The following EXOC1 variants were observed in gnomAD, a reference collection of about 807,000 sequenced individuals.
The protein encoded by EXOC1 is exocyst complex component 1.
EXOC1 carries 67 observed loss-of-function variants against 107.7 expected under a neutral mutation model. That is an observed-to-expected ratio of 0.62 (90% CI 0.51 to 0.76). EXOC1 has a LOEUF of 0.76. Ranked by LOEUF, EXOC1 falls within the 30% of genes least tolerant of loss-of-function variation. The pLI, the probability that EXOC1 is intolerant of heterozygous loss-of-function variation, is 0.00. For synonymous variants in EXOC1, 348 were observed against 353.5 expected (o/e 0.98, Z 0.17); for missense variants, 833 against 1,055.7 (o/e 0.79, Z 2.92).
intron 8 of EXOC1, chr4:55,876,496 C>G (rs1722906607): frequency 6.5e-6 from 5 of 772,416 alleles, no homozygotes; most frequent in Non-Finnish European, 7.9e-6. Flanking sequence ...GTTCAGGTCA[C>G]ATTTTACCAT....
intron 16 of EXOC1, among the ~76,000 whole-genome samples, chr4:55,897,160 T>G (rs1229401769): frequency 6.6e-6 from 1 of 150,712 alleles, no homozygotes; most frequent in Non-Finnish European, 1.5e-5. Flanking sequence ...TGGGCCTCAC[T>G]CTGTCGCCCA....
rs192699219 is a variant in EXOC1, at chr4:55,888,775, T to G, written c.1331-113T>G. 6.8e-6 allele frequency: 7 copies of G among 1,032,846 alleles called. No individual in the cohort carries two copies. In the East Asian group the frequency reaches 1.5e-4, roughly 22 times the overall value. The allele number at this position is 1,032,846 out of a possible 1,614,324, so 64.0% of individuals were successfully genotyped here. A position where few individuals can be genotyped will look rare whatever the true frequency, so the allele number is the denominator to read the frequency against. ...TCTTGTTACTTGATGCTCATGGTTCTTTGCATGTGTCTTTTAAACTAGAGC... is the reference window on the plus strand; with the variant it reads ...TCTTGTTACTTGATGCTCATGGTTCGTTGCATGTGTCTTTTAAACTAGAGC... On this transcript the variant is annotated intron_variant, in intron 10 of 18. Transcript: ENST00000381295.
intron 10 of EXOC1, among the ~76,000 whole-genome samples, chr4:55,886,589 A>C (rs536905522): frequency 3.3e-5 from 5 of 151,840 alleles, no homozygotes; most frequent in South Asian, 2.1e-4. Context: ...AAAAAAAAAA[A>C]CAAGAAATGT....
chr4:55,876,324 G>T (rs937244195), intron 8 of EXOC1: 1 of 983,810 alleles, frequency 1.0e-6, no homozygotes, highest in African/African-American at 1.7e-5. Flanking sequence ...TCTACGCTCC[G>T]TTATCCAGAA....
chr4:55,870,773 G>A lies in EXOC1; in HGVS notation c.699G>A (p.Leu233=). ...TAAAGGAGGTAGATCAGATTGAATT[G>A]AAACTGAGCAGTTATGAGGAAATGC... The part of the protein sequence containing the change: ...EALKEVDQIE[L]KLSSYEEMLQ... Residue 233 remains leucine, a synonymous_variant, in exon 6 of 19, where the codon TTG becomes TTA. Transcript: ENST00000381295. The A allele has an allele frequency of 6.2e-7, 1 of 1,613,840 alleles. No individual in the cohort carries two copies. Among genetic ancestry groups the A allele is most frequent in the Non-Finnish European group, 8.5e-7 (1 of 1,179,884 alleles).
chr4:55,885,245 G>A lies in EXOC1; in HGVS notation c.1330+1317G>A, dbSNP rs934264975. 4.6e-5 allele frequency among the ~76,000 whole-genome samples: 7 copies of A among 152,030 alleles called. No individual in the cohort carries two copies. In the East Asian group the frequency reaches 1.4e-3, roughly 29 times the overall value. On this transcript the variant is annotated intron_variant, in intron 10 of 18. Coordinates refer to ENST00000381295, the MANE Select transcript of EXOC1 (RefSeq NM_001024924.2). ...ACTCCTTCAGTATATGAAAACTGGA[G>A]GTAAGAGAGAAATATTTCTAAAATT...
At chr4:55,902,721 T>C (rs917972143) in intron 18 of EXOC1, among the ~76,000 whole-genome samples, 183 bp downstream of exon 18, 6 of 152,204 alleles carry the variant, frequency 3.9e-5, no homozygotes, top group African/African-American at 1.4e-4. Context: ...TGGCTATTTC[T>C]GCTTATTTCG....
intron 10 of EXOC1, among the ~76,000 whole-genome samples, 189 bp downstream of exon 10, chr4:55,884,117 A>G (rs1363068176): frequency 4.6e-5 from 7 of 152,222 alleles, no homozygotes; most frequent in African/African-American, 7.2e-5. Flanking sequence ...ATTTTCTTTA[A>G]TTAAAATTCT....
intron 14 of EXOC1, among the ~76,000 whole-genome samples, chr4:55,893,281 G>T (rs2109468180): frequency 6.6e-6 from 1 of 152,124 alleles, no homozygotes; most frequent in Non-Finnish European, 1.5e-5. Context: ...CACCACGTCT[G>T]GCTAATTTTT....
Position 55,871,145 on chromosome 4 carries a change from A to T in EXOC1, c.876A>T (p.Glu292Asp). ...LAKGHIKALQ[E>D]GDLASSRGIE... ...AAGGTCATATAAAGGCCCTTCAGGA[A>T]GGAGATCTTGCTTCTTCCAGAGGCA... The change falls in exon 7 of 19, where the codon GAA becomes GAT. Residue 292 changes from glutamate (E) to aspartate (D), a missense_variant. Coordinates refer to ENST00000381295, the MANE Select transcript of EXOC1 (RefSeq NM_001024924.2). 1 of 1,613,764 alleles carries T rather than the reference A, an allele frequency of 6.2e-7. No individual in the cohort carries two copies. The highest frequency in any genetic ancestry group is 8.5e-7 in the Non-Finnish European group (1 of 1,179,738).
At chr4:55,903,181 AAGAAAGAAAG>A (rs1265426514) in intron 18 of EXOC1, among the ~76,000 whole-genome samples, 4 of 135,488 alleles carry the variant, frequency 3.0e-5, no homozygotes, top group East Asian at 3.9e-4. Flanking sequence ...AAGAAAGAAA[AAGAAAGAAAG>A]AGAAAGAAAG....
intron 1 of EXOC1, 57 bp from the exon 2 acceptor site, chr4:55,858,253 AGAAG>A: frequency 7.0e-7 from 1 of 1,428,432 alleles, no homozygotes; most frequent in South Asian, 1.7e-5. Context: ...TCATAAATTC[AGAAG>A]TATAAGATGG....
chr4:55,855,396 G>A (rs1344289924), intron 1 of EXOC1, among the ~76,000 whole-genome samples: 14 of 152,176 alleles, frequency 9.2e-5, no homozygotes, highest in Non-Finnish European at 1.8e-4. Context: ...TTTGAACCTG[G>A]ACATTTGCTT....
At position 55,855,327 on chromosome 4, in the gene EXOC1, G is replaced by T. The variant is rs77067179; in HGVS notation, c.-11+1374G>T. Among the ~76,000 whole-genome samples the T allele has an allele frequency of 2.5e-3, 377 of 152,262 alleles. 2 individuals carry two copies. Among genetic ancestry groups the T allele is most frequent in the African/African-American group, 8.8e-3 (364 of 41,544 alleles). On this transcript the variant is annotated intron_variant, in intron 1 of 18. Coordinates refer to ENST00000381295, the MANE Select transcript of EXOC1 (RefSeq NM_001024924.2). Reference sequence around the variant, plus strand: ...AATTACATGTAGATGGGGGGAAATCGCAGAATGTGGTAGCAGATTTCATGT... The same window carrying T: ...AATTACATGTAGATGGGGGGAAATCTCAGAATGTGGTAGCAGATTTCATGT...
chr4:55,875,656 A>G (rs1396209917), intron 8 of EXOC1: 1 of 985,270 alleles, frequency 1.0e-6, no homozygotes, highest in African/African-American at 1.7e-5. Flanking sequence ...AAAATTAATG[A>G]GGAAGATTGT....
intron 17 of EXOC1, 151 bp downstream of exon 17, chr4:55,900,035 G>A (rs1027594970): frequency 1.9e-6 from 1 of 527,300 alleles, no homozygotes; most frequent in Non-Finnish European, 3.3e-6. Flanking sequence ...GCCAGACACT[G>A]CTAGATGCTA....
At chr4:55,875,055 A>C (rs939966890) in intron 8 of EXOC1, among the ~76,000 whole-genome samples, 1 of 152,176 alleles carries the variant, frequency 6.6e-6, no homozygotes, top group African/African-American at 2.4e-5. Flanking sequence ...GATTATGTAC[A>C]TAACTTAGAG....
chr4:55,857,168 C>CTTTTTTTTTTTTTTTT (rs71192052), intron 1 of EXOC1, among the ~76,000 whole-genome samples: 10 of 65,768 alleles, frequency 1.5e-4, no homozygotes, highest in Non-Finnish European at 2.4e-4. Flanking sequence ...TCCTTTTTTT[C>CTTTTTTTTTTTTTTTT]TTTTTTTTTT....
intron 9 of EXOC1, among the ~76,000 whole-genome samples, chr4:55,879,845 G>T (rs922047473): frequency 2.6e-5 from 4 of 152,074 alleles, no homozygotes; most frequent in Non-Finnish European, 5.9e-5. Flanking sequence ...AAGTTTTTGT[G>T]AATATGAAGT....
Sources: allele counts gnomAD v4.1 joint callset (sites outside exome capture counted in the v4.1 genomes callset), GRCh38; gene constraint gnomAD v4.1.1; transcripts MANE v1.5; gene names NCBI Gene and HGNC (gene_info 2026-07-23, HGNC 2026-07-21).